Variants in NME9 observed in about 807,000 individuals in gnomAD.
The protein encoded by NME9 is NME/NM23 family member 9, also known as thioredoxin domain-containing protein 6.
In NME9, 48 loss-of-function variants were observed where a neutral mutation model predicts 44.4. The observed-to-expected ratio is 1.08, with a 90% CI of 0.86 to 1.37. NME9 has a LOEUF of 1.37. Ranked by LOEUF, NME9 falls within the 40% of genes most tolerant of loss-of-function variation. The pLI, the probability that NME9 is intolerant of heterozygous loss-of-function variation, is 0.00. For missense variants in NME9, 325 were observed against 405.2 expected (o/e 0.80, Z 1.70); for synonymous variants, 139 against 147.1 (o/e 0.94, Z 0.40).
intron 8 of NME9, among the ~76,000 whole-genome samples, chr3:138,278,243 C>A (rs1169322799): frequency 6.6e-6 from 1 of 152,068 alleles, no homozygotes; most frequent in Non-Finnish European, 1.5e-5. Context: ...CACGGTGGCT[C>A]ACACCGTGAT....
chr3:138,263,999 GGTC>G, intron 8 of NME9: 1 of 952,460 alleles, frequency 1.0e-6, no homozygotes, highest in Non-Finnish European at 1.6e-6. Flanking sequence ...CCCATAAAGT[GGTC>G]TGATGTAGTT....
rs148347528 is a variant in NME9 at position 138,329,826 on chromosome 3, C to T, written c.-491G>A. On this transcript the variant is annotated 5_prime_UTR_variant, in exon 1 of 11. Coordinates refer to ENST00000333911, the MANE Select transcript of NME9 (RefSeq NM_001349018.2). ...GCCCGGAGTCACCAACCGAGTCTGC[C>T]GCGACCTAGCCGCGGTCGTCATGGC... The T allele has an allele frequency of 9.1e-4, 900 of 986,280 alleles. 9 individuals are homozygous for T. The African/African-American group carries it at 0.015, about 16-fold the overall frequency. 61.1% of individuals were successfully genotyped at this position (986,280 alleles called of 1,614,324 possible). A position where few individuals can be genotyped will look rare whatever the true frequency, so the allele number is the denominator to read the frequency against.
At chr3:138,287,319 C>G (rs1350228046) in intron 8 of NME9, among the ~76,000 whole-genome samples, 1 of 152,082 alleles carries the variant, frequency 6.6e-6, no homozygotes, top group African/African-American at 2.4e-5. Flanking sequence ...ACTTTTTCTC[C>G]TGCTTGGAAT....
At chr3:138,306,506 ATGC>A in intron 6 of NME9, 26 bp from the exon 7 acceptor site, 1 of 1,489,360 alleles carries the variant, frequency 6.7e-7, no homozygotes, top group Non-Finnish European at 9.3e-7. Context: ...GTGCTGTCAG[ATGC>A]TGATGTTTGA....
chr3:138,300,023 TG>T (rs894348067), downstream of NME9, among the ~76,000 whole-genome samples: 40 of 152,170 alleles, frequency 2.6e-4, no homozygotes, highest in African/African-American at 9.4e-4. Context: ...ACAGACCATA[TG>T]GGCCCCACTC....
At chr3:138,323,445 AG>A (rs2053590715) in intron 2 of NME9, among the ~76,000 whole-genome samples, 1 of 152,108 alleles carries the variant, frequency 6.6e-6, no homozygotes, top group Non-Finnish European at 1.5e-5. Flanking sequence ...TGTTGTGTTT[AG>A]AGTCTAGGAG....
chr3:138,326,125 C>G (rs1434352845), intron 1 of NME9, among the ~76,000 whole-genome samples: 2 of 152,140 alleles, frequency 1.3e-5, no homozygotes, highest in Admixed American at 1.3e-4. Flanking sequence ...TAGAATGTCC[C>G]TCAGTTGGGG....
rs773357441 is a variant in NME9 at position 138,272,921 on chromosome 3, A to T, written c.746-10335T>A. The T allele has an allele frequency of 4.2e-5, 57 of 1,360,898 alleles. No homozygotes were observed. The African/African-American group carries it at 8.0e-4, about 19-fold the overall frequency. The allele number at this position is 1,360,898 out of a possible 1,614,324, so 84.3% of individuals were successfully genotyped here. Reference sequence around the variant, plus strand: ...AGTTACTATTAAAATATAATTTAATAAAGTAAATGTAGACATGATTCTTGC... The same window carrying T: ...AGTTACTATTAAAATATAATTTAATTAAGTAAATGTAGACATGATTCTTGC... On this transcript the variant is annotated intron_variant, in intron 8 of 8. Coordinates refer to the NME9 transcript ENST00000317876.
chr3:138,303,029 G>A (rs114346069), intron 10 of NME9, among the ~76,000 whole-genome samples: 301 of 152,316 alleles, frequency 2.0e-3, no homozygotes, highest in African/African-American at 6.9e-3. Context: ...CCTAAACAAC[G>A]GTCATGCATT....
At chr3:138,282,376 G>A (rs1276653364) in intron 8 of NME9, among the ~76,000 whole-genome samples, 8 of 152,138 alleles carry the variant, frequency 5.3e-5, no homozygotes, top group East Asian at 1.9e-4. Flanking sequence ...GGCTGGGCAC[G>A]GTGGCTCATG....
chr3:138,294,302 T>C (rs751771071), intron 8 of NME9, among the ~76,000 whole-genome samples: 8 of 152,210 alleles, frequency 5.3e-5, no homozygotes, highest in Non-Finnish European at 8.8e-5. Flanking sequence ...CCACCCAGGC[T>C]TGGAGGGCTT....
At chr3:138,324,505 G>C (rs1230071291) in intron 2 of NME9, 2 of 466,660 alleles carry the variant, frequency 4.3e-6, no homozygotes, top group South Asian at 1.5e-5. Flanking sequence ...TGCAGTCCCA[G>C]GTTCAAGTCC....
At chr3:138,323,832 A>C (rs2053611704) in intron 2 of NME9, among the ~76,000 whole-genome samples, 1 of 152,212 alleles carries the variant, frequency 6.6e-6, no homozygotes, top group Admixed American at 6.5e-5. Context: ...ACAGTGAATG[A>C]GAAAGAGAAG....
intron 8 of NME9, among the ~76,000 whole-genome samples, chr3:138,270,532 G>A (rs944448219): frequency 6.6e-6 from 1 of 152,086 alleles, no homozygotes. Context: ...TATAGATGAA[G>A]TAAACTAAGG....
intron 6 of NME9, 90 bp from the exon 7 acceptor site, chr3:138,306,570 C>T: frequency 1.3e-6 from 1 of 743,238 alleles, no homozygotes; most frequent in African/African-American, 1.8e-5. Flanking sequence ...ACACAAGGCT[C>T]CATTGCACCA....
At chr3:138,309,661 G>C (rs921834611) in intron 6 of NME9, among the ~76,000 whole-genome samples, 2 of 152,056 alleles carry the variant, frequency 1.3e-5, no homozygotes, top group Admixed American at 6.5e-5. Flanking sequence ...CTCCAGCCTG[G>C]GTGACAGAAC....
chr3:138,296,541 TAAAA>T (rs745323959), downstream of NME9: 2 of 149,454 alleles, frequency 1.3e-5, no homozygotes, highest in Admixed American at 1.3e-4. Flanking sequence ...TTTCTTTATA[TAAAA>T]AAAAAGAAAA....
At chr3:138,324,693 T>TACACACACACAC (rs55961241) in intron 2 of NME9, 180 bp downstream of exon 2, 4 of 498,450 alleles carry the variant, frequency 8.0e-6, no homozygotes, top group African/African-American at 6.4e-5. Context: ...TCAAGCCAGA[T>TACACACACACAC]ACACACACAC....
At chr3:138,293,302 G>A (rs2051156536) in intron 8 of NME9, among the ~76,000 whole-genome samples, 1 of 152,232 alleles carries the variant, frequency 6.6e-6, no homozygotes, top group Admixed American at 6.5e-5. Flanking sequence ...AGCACTTTGG[G>A]AGGCCGAGGT....
Sources: gnomAD v4.1 joint callset for allele counts (sites outside exome capture counted in the v4.1 genomes callset) on GRCh38, gnomAD v4.1.1 for gene constraint, MANE v1.5 for transcripts, NCBI Gene and HGNC (gene_info 2026-07-23, HGNC 2026-07-21) for gene names.